The following EIF5B variants were observed in gnomAD, a reference collection of about 807,000 sequenced individuals.
EIF5B encodes eukaryotic translation initiation factor 5B.
A neutral mutation model predicts 147.5 loss-of-function variants in EIF5B; 47 were observed. The ratio of observed to expected loss-of-function variants is 0.32; its 90% CI spans 0.25 to 0.41. The LOEUF (loss-of-function observed/expected upper bound fraction) is 0.41. EIF5B is among the 10% of genes least tolerant of loss of function. The pLI is 1.00. For synonymous variants in EIF5B, 455 were observed against 456.2 expected, an observed-to-expected ratio of 1.00 and a Z score of 0.03; for missense variants, 1,064 against 1,413.2, an observed-to-expected ratio of 0.75 and a Z score of 3.96.
At chr2:99,363,041 G>A (rs761296437) in intron 4 of EIF5B, among the ~76,000 whole-genome samples, 50 of 152,096 alleles carry the variant, frequency 3.3e-4, no homozygotes, top group Admixed American at 2.0e-3. Context: ...TTACAGGTGT[G>A]AGCCACCGTG....
chr2:99,347,415 T>G (rs1455626342), intron 1 of EIF5B, among the ~76,000 whole-genome samples: 1 of 152,194 alleles, frequency 6.6e-6, no homozygotes, highest in Admixed American at 6.5e-5. Flanking sequence ...AATCAGGGCT[T>G]CTCAAACTTT....
rs1396655754 is a variant in EIF5B, at chr2:99,394,524, A to G, written c.3028A>G (p.Ile1010Val). 14 of 1,614,188 alleles carry G rather than the reference A, an allele frequency of 8.7e-6. No individual in the cohort carries two copies. Among genetic ancestry groups the G allele is most frequent in the Non-Finnish European group, 1.2e-5 (14 of 1,180,030 alleles). The change falls in exon 20 of 24, where the codon ATT (isoleucine) becomes GTT (valine). Residue 1010 changes from isoleucine (I) to valine (V), a missense_variant. Coordinates refer to ENST00000289371, the MANE Select transcript of EIF5B (RefSeq NM_015904.4). ...ATTTTTTCAGTATGCAGGAATTAAC[A>G]TTGGCCCAGTGCATAAAAAAGATGT... ...TSEVPYAGIN[I>V]GPVHKKDVMK...
chr2:99,380,656 G>A (rs578250117), intron 12 of EIF5B, among the ~76,000 whole-genome samples: 2 of 152,294 alleles, frequency 1.3e-5, no homozygotes, highest in South Asian at 4.1e-4. Context: ...GAAGCAGTAA[G>A]TTGAAAAACA....
At chr2:99,340,619 G>A (rs2094257348) in intron 1 of EIF5B, 1 of 152,120 alleles carries the variant, frequency 6.6e-6, no homozygotes, top group Admixed American at 6.6e-5. Context: ...TAGCCACTCA[G>A]TATTCATTTA....
At chr2:99,382,275 T>G in intron 13 of EIF5B, 49 bp downstream of exon 13, 3 of 1,542,114 alleles carry the variant, frequency 1.9e-6, no homozygotes, top group Non-Finnish European at 2.7e-6. Flanking sequence ...CTTGAAACCA[T>G]TAAGTCTAAA....
intron 1 of EIF5B, among the ~76,000 whole-genome samples, chr2:99,352,974 C>T (rs1674005911): frequency 6.7e-6 from 1 of 148,340 alleles, no homozygotes; most frequent in African/African-American, 2.5e-5. Context: ...AGGCACATGC[C>T]ACTATGCCTG....
intron 1 of EIF5B, among the ~76,000 whole-genome samples, chr2:99,355,208 A>T (rs1387614504): frequency 7.9e-5 from 12 of 152,166 alleles, no homozygotes; most frequent in Non-Finnish European, 2.9e-5. Context: ...AAGTCTTGAA[A>T]TCTGGTAGTA....
Position 99,376,405 on chromosome 2 carries a change from G to A in EIF5B, c.1611G>A (p.Glu537=). The change falls in exon 10 of 24, where the codon GAG becomes GAA. Residue 537 remains glutamate (E), a synonymous_variant. Transcript: ENST00000289371. The part of the protein sequence containing the change: ...VKENPEEEEE[E]EEEEEEDEES... ...AAAACCCTGAAGAGGAGGAGGAGGAGGAAGAAGAGGAAGAAGAAGATGAAG... is the reference window on the plus strand; with the variant it reads ...AAAACCCTGAAGAGGAGGAGGAGGAAGAAGAAGAGGAAGAAGAAGATGAAG... The A allele has an allele frequency of 1.9e-6, 3 of 1,544,928 alleles. No individual in the cohort carries two copies. The highest frequency in any genetic ancestry group is 2.3e-5 in the East Asian group (1 of 43,130).
intron 1 of EIF5B, among the ~76,000 whole-genome samples, chr2:99,344,502 T>A (rs2094268235): frequency 6.6e-6 from 1 of 151,876 alleles, no homozygotes; most frequent in Non-Finnish European, 1.5e-5. Context: ...AGTGGTGTGA[T>A]CTCTGCTCAC....
intron 14 of EIF5B, 95 bp from the exon 15 acceptor site, chr2:99,389,623 A>G (rs1674881674): frequency 5.8e-6 from 7 of 1,204,956 alleles, no homozygotes; most frequent in African/African-American, 4.6e-5. Context: ...TTCTGTATAT[A>G]TGAGACACAC....
intron 18 of EIF5B, among the ~76,000 whole-genome samples, chr2:99,393,620 C>T (rs1482741100): frequency 4.6e-5 from 7 of 152,176 alleles, no homozygotes; most frequent in Non-Finnish European, 7.3e-5. Flanking sequence ...CAACTGTTCC[C>T]AGCACATGGC....
At chr2:99,360,810 A>G (rs1037585894) in intron 3 of EIF5B, among the ~76,000 whole-genome samples, 2 of 152,182 alleles carry the variant, frequency 1.3e-5, no homozygotes, top group Admixed American at 6.5e-5. Flanking sequence ...TTTCTTTTTC[A>G]TCCTTCGAAT....
chr2:99,343,687 G>A (rs921056863), intron 1 of EIF5B, among the ~76,000 whole-genome samples: 4 of 151,628 alleles, frequency 2.6e-5, no homozygotes, highest in African/African-American at 4.8e-5. Flanking sequence ...GGTAGCACGC[G>A]CCTGTAGTCC....
At chr2:99,362,658 C>G (rs972952265) in intron 4 of EIF5B, among the ~76,000 whole-genome samples, 3 of 152,118 alleles carry the variant, frequency 2.0e-5, no homozygotes, top group African/African-American at 7.2e-5. Context: ...GAGATCGCAC[C>G]ACTGCACTCC....
chr2:99,354,989 A>T (rs1674065360), intron 1 of EIF5B, among the ~76,000 whole-genome samples: 1 of 151,798 alleles, frequency 6.6e-6, no homozygotes, highest in Admixed American at 6.6e-5. Context: ...TTTTTAGTAG[A>T]GACGGAGTTT....
In EIF5B at chr2:99,390,391, A is replaced by C. The variant is rs924566417; in HGVS notation, c.2576A>C (p.Gln859Pro). Reference sequence around the variant, plus strand: ...GCACACTGTGAAGAGCTGAGAGCACAGGTGATGGAGGTAATGATCAACTTT... The same window carrying C: ...GCACACTGTGAAGAGCTGAGAGCACCGGTGATGGAGGTAATGATCAACTTT... ...RLAHCEELRA[Q>P]VMEVKALPGM... Residue 859 changes from glutamine to proline, a missense_variant, in exon 16 of 24, where the codon CAG (glutamine) becomes CCG (proline). Gln to Pro is a moderately conservative substitution (Grantham distance 76). Coordinates refer to ENST00000289371, the MANE Select transcript of EIF5B (RefSeq NM_015904.4). 16 of 1,605,704 alleles carry C rather than the reference A, an allele frequency of 1.0e-5. No homozygotes were observed. The highest frequency in any genetic ancestry group is 1.2e-5 in the Non-Finnish European group (14 of 1,177,594).
In EIF5B at chr2:99,373,380, G is replaced by C. The variant is rs141438808; in HGVS notation, c.1552+1650G>C. Among the ~76,000 whole-genome samples, 62 of 152,304 alleles carry C rather than the reference G, an allele frequency of 4.1e-4. No individual in the cohort carries two copies. The East Asian group carries it at 0.01, about 25-fold the overall frequency. On this transcript the variant is annotated intron_variant, in intron 9 of 23. Transcript: ENST00000289371. ...CTGTCTGCTTCCAAGATGGCACCTT[G>C]GTGCTGCATCCTCCAGAGGGAAGGA... is the stretch of plus-strand genomic sequence containing the variant.
At chr2:99,397,925 CAG>C (rs1350887618) in intron 22 of EIF5B, 3 of 143,768 alleles carry the variant, frequency 2.1e-5, no homozygotes, top group Non-Finnish European at 3.0e-5. Context: ...GTCATAGACT[CAG>C]TGGGTTTTTT....
intron 1 of EIF5B, among the ~76,000 whole-genome samples, chr2:99,345,772 C>A (rs1331580235): frequency 4.0e-5 from 6 of 151,426 alleles, no homozygotes; most frequent in South Asian, 2.1e-4. Flanking sequence ...TGGGGAGACC[C>A]CATCTCTACC....
Sources: gnomAD v4.1 joint callset for allele counts (sites outside exome capture counted in the v4.1 genomes callset) on GRCh38, gnomAD v4.1.1 for gene constraint, MANE v1.5 for transcripts, NCBI Gene and HGNC (gene_info 2026-07-23, HGNC 2026-07-21) for gene names.